Variants in HABP4 observed in about 807,000 individuals in gnomAD.
HABP4 encodes the protein intracellular hyaluronan-binding protein 4.
A neutral mutation model predicts 44.1 loss-of-function variants in HABP4; 32 were observed. The ratio of observed to expected loss-of-function variants is 0.73; its 90% confidence interval spans 0.55 to 0.97. The LOEUF (loss-of-function observed/expected upper bound fraction) is 0.97. Ranked by LOEUF, HABP4 falls within the 50% of genes least tolerant of loss-of-function variation. The pLI, the probability that HABP4 is intolerant of heterozygous loss-of-function variation, is 0.00. For missense variants in HABP4, 503 were observed against 561.9 expected (o/e 0.90, Z 1.06); for synonymous variants, 216 against 218.0 (o/e 0.99, Z 0.08).
Position 96,466,453 on chromosome 9 carries a change from C to T in HABP4, c.743+675C>T, listed in dbSNP as rs181445326. ...ATCTCACTATGTTGCCCACACTGGT[C>T]TTGAACTCCTGGGCTCAGGCAGTCC... On this transcript the variant is annotated intron_variant, in intron 4 of 7. Transcript: ENST00000375249. 5.9e-5 allele frequency among the ~76,000 whole-genome samples: 9 copies of T among 152,292 alleles called. No homozygotes were observed. In the East Asian group the frequency reaches 1.7e-3, roughly 29 times the overall value.
In HABP4 at chr9:96,458,435, CCGG is replaced by C; in HGVS notation, c.407_409del (p.Pro136_Glu137delinsGln). ...GCAAGGATGGAATGACAGCCGTGGG[CCGG>C]AGGGGATGCTCGAAAGAGCTGAGCG... is the stretch of plus-strand genomic sequence containing the variant. On this transcript the variant is annotated inframe_deletion, in exon 2 of 8. Coordinates refer to ENST00000375249, the MANE Select transcript of HABP4 (RefSeq NM_014282.4). The C allele has an allele frequency of 6.2e-7, 1 of 1,613,652 alleles. No homozygotes were observed. Among genetic ancestry groups the C allele is most frequent in the Non-Finnish European group, 8.5e-7 (1 of 1,179,650 alleles).
At chr9:96,455,986 C>T (rs906850055) in intron 1 of HABP4, among the ~76,000 whole-genome samples, 25 of 151,638 alleles carry the variant, frequency 1.6e-4, no homozygotes, top group African/African-American at 4.9e-4. Context: ...ACCTGGGAGG[C>T]GGAGGTTGCA....
chr9:96,486,063 G>A (rs1375253951), intron 6 of HABP4, among the ~76,000 whole-genome samples: 1 of 152,084 alleles, frequency 6.6e-6, no homozygotes, highest in Non-Finnish European at 1.5e-5. Flanking sequence ...CGGTTGGCGG[G>A]TGCCTGTAGT....
At chr9:96,480,343 A>C (rs1653302288) in intron 5 of HABP4, among the ~76,000 whole-genome samples, 1 of 152,116 alleles carries the variant, frequency 6.6e-6, no homozygotes, top group African/African-American at 2.4e-5. Flanking sequence ...TAGCTGCTAT[A>C]CTATAGTTTT....
At chr9:96,454,189 C>G (rs1311360148) in intron 1 of HABP4, among the ~76,000 whole-genome samples, 1 of 151,958 alleles carries the variant, frequency 6.6e-6, no homozygotes, top group Non-Finnish European at 1.5e-5. Context: ...GGGATAAGCA[C>G]CTATAAGTAA....
intron 1 of HABP4, among the ~76,000 whole-genome samples, chr9:96,456,784 T>A (rs57341813): frequency 0.018 from 745 of 42,246 alleles, 10 homozygotes; most frequent in Non-Finnish European, 0.019. Context: ...AAAAAAAATA[T>A]ATATATATAT....
intron 1 of HABP4, among the ~76,000 whole-genome samples, chr9:96,455,254 C>T (rs1189788756): frequency 6.6e-6 from 1 of 152,038 alleles, no homozygotes; most frequent in Admixed American, 6.5e-5. Context: ...AGTTCAAGAC[C>T]AGCCTGGCCA....
chr9:96,467,786 A>G (rs1024662961), intron 4 of HABP4, among the ~76,000 whole-genome samples: 1 of 152,110 alleles, frequency 6.6e-6, no homozygotes, highest in Non-Finnish European at 1.5e-5. Context: ...TTGGCCTCCC[A>G]AAGCGCTGGG....
At chr9:96,466,090 G>A (rs1832596295) in intron 4 of HABP4, among the ~76,000 whole-genome samples, 1 of 152,108 alleles carries the variant, frequency 6.6e-6, no homozygotes, top group African/African-American at 2.4e-5. Context: ...CTTTTTGTTG[G>A]CTGCACACGG....
chr9:96,455,821 G>C (rs957175838), intron 1 of HABP4, among the ~76,000 whole-genome samples: 1 of 151,398 alleles, frequency 6.6e-6, no homozygotes, highest in Admixed American at 6.6e-5. Flanking sequence ...TTGGGAGGCC[G>C]AGACCGGTGG....
Position 96,450,301 on chromosome 9 carries a change from C to T in HABP4, c.22C>T (p.Pro8Ser). 1.4e-6 allele frequency: 2 copies of T among 1,456,314 alleles called. No homozygotes were observed. The highest frequency in any genetic ancestry group is 1.8e-6 in the Non-Finnish European group (2 of 1,094,116). 90.2% of individuals were successfully genotyped at this position (1,456,314 alleles called of 1,614,324 possible). The change falls in exon 1 of 8, where the codon CCC (proline) becomes TCC (serine). Residue 8 changes from proline to serine, a missense_variant. Coordinates refer to ENST00000375249, the MANE Select transcript of HABP4 (RefSeq NM_014282.4). The surrounding 1 kb of genome is among the most constrained non-coding windows in gnomAD (Gnocchi z 4.8). ...CGGCATGAAGGGCGCTCTGGGGAGT[C>T]CCGTGGCTGCCGCTGGCGCCGCGAT... is the stretch of plus-strand genomic sequence containing the variant. MKGALGS[P>S]VAAAGAAMQE...
chr9:96,460,144 C>T (rs1464179394), intron 2 of HABP4, among the ~76,000 whole-genome samples: 1 of 151,880 alleles, frequency 6.6e-6, no homozygotes, highest in East Asian at 1.9e-4. Context: ...TAAAATAGAT[C>T]TTTATATGTG....
chr9:96,472,567 C>T (rs181260555), intron 5 of HABP4, among the ~76,000 whole-genome samples: 1 of 152,102 alleles, frequency 6.6e-6, no homozygotes, highest in African/African-American at 2.4e-5. Flanking sequence ...TGCCATCCCC[C>T]CCGACCTCTT....
chr9:96,454,921 C>T (rs1173411866), intron 1 of HABP4, among the ~76,000 whole-genome samples: 3 of 152,024 alleles, frequency 2.0e-5, no homozygotes, highest in Non-Finnish European at 4.4e-5. Flanking sequence ...CAAGACCAGC[C>T]TGGGCAACAA....
chr9:96,488,096 A>T lies in HABP4; in HGVS notation c.1007A>T (p.Lys336Ile), dbSNP rs769202298. The change falls in exon 7 of 8, where the codon AAA becomes ATA. Residue 336 changes from lysine (K) to isoleucine (I), a missense_variant. Lys to Ile is a moderately radical substitution (Grantham distance 102). Coordinates refer to ENST00000375249, the MANE Select transcript of HABP4 (RefSeq NM_014282.4). The surrounding 1 kb of genome is among the most constrained non-coding windows in gnomAD (Gnocchi z 4.6). ...GCTGTAATTGTGTTTCAGATGGTAA[A>T]AGATGACTATGAGGACGATTCCCAT... ...HKSKYRDDMV[K>I]DDYEDDSHVF... 3 of 1,610,812 alleles carry T rather than the reference A, an allele frequency of 1.9e-6. No homozygotes were observed. In the Admixed American group the frequency reaches 5.0e-5, roughly 27 times the overall value.
Position 96,485,990 on chromosome 9 carries a change from C to T in HABP4, c.999+1357C>T, listed in dbSNP as rs941745022. On this transcript the variant is annotated intron_variant, in intron 6 of 7. Transcript: ENST00000375249. ...GGTGGATCACCTGAGGTCAGGAGTTCGAGACCAGCCTAGCCAACATAGTGA... is the reference window on the plus strand; with the variant it reads ...GGTGGATCACCTGAGGTCAGGAGTTTGAGACCAGCCTAGCCAACATAGTGA... 4.6e-5 allele frequency among the ~76,000 whole-genome samples: 7 copies of T among 152,078 alleles called. No individual in the cohort carries two copies. In the East Asian group the frequency reaches 7.8e-4, roughly 17 times the overall value.
intron 5 of HABP4, chr9:96,483,928 G>A (rs1361645287): frequency 6.6e-6 from 1 of 152,106 alleles, no homozygotes; most frequent in Admixed American, 6.5e-5. Context: ...AATTGTCTTT[G>A]GCACCACGGT....
intron 1 of HABP4, among the ~76,000 whole-genome samples, chr9:96,458,083 T>C (rs1832429442): frequency 6.6e-6 from 1 of 152,180 alleles, no homozygotes; most frequent in Non-Finnish European, 1.5e-5. Context: ...TTTAGTAAAA[T>C]GTACCCATGG....
At chr9:96,462,621 AAAAAG>A (rs936529622) in intron 2 of HABP4, among the ~76,000 whole-genome samples, 10 of 151,770 alleles carry the variant, frequency 6.6e-5, no homozygotes, top group Non-Finnish European at 1.3e-4. Flanking sequence ...CAAAAAAAAA[AAAAAG>A]AGAGAGAGTT....
Sources: allele counts gnomAD v4.1 joint callset (sites outside exome capture counted in the v4.1 genomes callset), GRCh38; gene constraint gnomAD v4.1.1; non-coding constraint Gnocchi (gnomAD v3.1); transcripts MANE v1.5; gene names NCBI Gene and HGNC (gene_info 2026-07-23, HGNC 2026-07-21).